METTL24: variants seen among roughly 807,000 people sequenced by gnomAD.
The protein encoded by METTL24 is probable methyltransferase-like protein 24.
In METTL24, 29 loss-of-function variants were observed where a neutral mutation model predicts 32.7. The ratio of observed to expected loss-of-function variants is 0.89; its 90% CI spans 0.66 to 1.21. The LOEUF (loss-of-function observed/expected upper bound fraction) is 1.21. Ranked by LOEUF, METTL24 falls within the 50% of genes most tolerant of loss-of-function variation. METTL24 has a pLI of 0.00. For missense variants in METTL24, 439 were observed against 468.1 expected, an observed-to-expected ratio of 0.94 and a Z score of 0.57; for synonymous variants, 163 against 179.5, an observed-to-expected ratio of 0.91 and a Z score of 0.73.
At chr6:110,336,563 A>AC (rs1471604861) in intron 1 of METTL24, among the ~76,000 whole-genome samples, 1 of 151,964 alleles carries the variant, frequency 6.6e-6, no homozygotes. Context: ...ACACGGTGAA[A>AC]CCCCGTCTCT....
At chr6:110,262,498 T>A (rs1271182706) in intron 4 of METTL24, among the ~76,000 whole-genome samples, 1 of 151,918 alleles carries the variant, frequency 6.6e-6, no homozygotes, top group Non-Finnish European at 1.5e-5. Flanking sequence ...CAAAAAAAAG[T>A]CCAGGACCAG....
Position 110,302,662 on chromosome 6 carries a change from T to C in METTL24, c.558-3512A>G, listed in dbSNP as rs897409195. ...ACACATATGTGTATATATATACACA[T>C]ATACACACACATACACGTGTGTATA... On this transcript the variant is annotated intron_variant, in intron 3 of 4. Transcript: ENST00000338882. 2.8e-5 allele frequency among the ~76,000 whole-genome samples: 4 copies of C among 143,786 alleles called. 1 individual carries two copies. Among genetic ancestry groups the C allele is most frequent in the African/African-American group, 1.1e-4 (4 of 35,616 alleles). The allele number at this position is 143,786 out of a possible 152,430, so 94.3% of individuals were successfully genotyped here.
chr6:110,324,525 C>G (rs1771985749), intron 1 of METTL24, among the ~76,000 whole-genome samples: 1 of 152,190 alleles, frequency 6.6e-6, no homozygotes, highest in Non-Finnish European at 1.5e-5. Context: ...GCAGGGCTAA[C>G]TCACAGGCAG....
At chr6:110,298,084 T>G (rs1771452898) in intron 4 of METTL24, among the ~76,000 whole-genome samples, 1 of 152,020 alleles carries the variant, frequency 6.6e-6, no homozygotes, top group Non-Finnish European at 1.5e-5. Flanking sequence ...CCAACTCAAG[T>G]TTAAAATTGA....
intron 1 of METTL24, among the ~76,000 whole-genome samples, chr6:110,350,454 C>T (rs1440526599): frequency 4.0e-5 from 6 of 151,604 alleles, no homozygotes; most frequent in Non-Finnish European, 5.9e-5. Flanking sequence ...TAGCCAGTTG[C>T]AAGGGGGGCT....
intron 1 of METTL24, among the ~76,000 whole-genome samples, chr6:110,335,908 T>C (rs959641383): frequency 2.0e-5 from 3 of 152,194 alleles, no homozygotes; most frequent in Admixed American, 2.0e-4. Context: ...CACTACCCCA[T>C]GCTGCCTCCA....
At position 110,326,357 on chromosome 6, in the gene METTL24, T is replaced by C. The variant is rs185112560; in HGVS notation, c.319-3485A>G. ...CATGGAACCTAAGCATTAAAATAGA[T>C]CATTTTCCCTGCATCTCTAGGTCTT... On this transcript the variant is annotated intron_variant, in intron 1 of 4. Coordinates refer to ENST00000338882, the MANE Select transcript of METTL24 (RefSeq NM_001123364.3). 2.6e-5 allele frequency among the ~76,000 whole-genome samples: 4 copies of C among 152,336 alleles called. No homozygotes were observed. The East Asian group carries it at 7.7e-4, about 29-fold the overall frequency.
intron 4 of METTL24, among the ~76,000 whole-genome samples, chr6:110,282,457 C>A (rs1040520696): frequency 2.3e-4 from 35 of 152,086 alleles, no homozygotes; most frequent in Non-Finnish European, 3.8e-4. Flanking sequence ...TTAATCCCCT[C>A]AACAGTCTTT....
chr6:110,349,610 T>C, intron 1 of METTL24, among the ~76,000 whole-genome samples: 1 of 152,222 alleles, frequency 6.6e-6, no homozygotes, highest in Non-Finnish European at 1.5e-5. Flanking sequence ...AGTAATAAGT[T>C]AGCAGATTGG....
intron 4 of METTL24, among the ~76,000 whole-genome samples, chr6:110,261,996 T>C (rs1770740595): frequency 6.6e-6 from 1 of 152,054 alleles, no homozygotes; most frequent in South Asian, 2.1e-4. Flanking sequence ...TAGCACTAAA[T>C]GCCCACAAGA....
chr6:110,325,157 C>T (rs938873037), intron 1 of METTL24, among the ~76,000 whole-genome samples: 1 of 152,140 alleles, frequency 6.6e-6, no homozygotes, highest in African/African-American at 2.4e-5. Context: ...TTAAAACCTC[C>T]CACTTCACTG....
At chr6:110,325,231 G>A (rs1771996964) in intron 1 of METTL24, among the ~76,000 whole-genome samples, 1 of 152,140 alleles carries the variant, frequency 6.6e-6, no homozygotes, top group Admixed American at 6.5e-5. Context: ...AAATGATGAA[G>A]TTCACATGTT....
intron 1 of METTL24, among the ~76,000 whole-genome samples, chr6:110,328,330 G>T (rs539158321): frequency 2.0e-5 from 3 of 152,332 alleles, no homozygotes; most frequent in Admixed American, 6.5e-5. Context: ...AAGTGAGCAG[G>T]CTTCTTCTAA....
At chr6:110,263,271 G>T (rs551850233) in intron 4 of METTL24, among the ~76,000 whole-genome samples, 4 of 152,262 alleles carry the variant, frequency 2.6e-5, no homozygotes, top group South Asian at 4.1e-4. Context: ...CTTCAGCAAA[G>T]TCTCAGGATA....
chr6:110,250,911 A>G (rs1365432057), intron 4 of METTL24, among the ~76,000 whole-genome samples: 2 of 152,212 alleles, frequency 1.3e-5, no homozygotes, highest in Non-Finnish European at 2.9e-5. Flanking sequence ...GAACTCATTC[A>G]GACTACTCAA....
intron 1 of METTL24, among the ~76,000 whole-genome samples, chr6:110,336,738 CA>C (rs57378153): frequency 0.084 from 10,967 of 130,312 alleles, 245 homozygotes; most frequent in African/African-American, 0.12. Flanking sequence ...GACTCCGCCT[CA>C]AAAAAAAAAA....
At chr6:110,284,071 G>T (rs1486582159) in intron 4 of METTL24, among the ~76,000 whole-genome samples, 1 of 152,168 alleles carries the variant, frequency 6.6e-6, no homozygotes, top group Non-Finnish European at 1.5e-5. Context: ...CAACCCCAAT[G>T]AACCTTGAAA....
chr6:110,348,105 G>A (rs566673477), intron 1 of METTL24, among the ~76,000 whole-genome samples: 1 of 152,342 alleles, frequency 6.6e-6, no homozygotes, highest in South Asian at 2.1e-4. Flanking sequence ...GAAACACAAG[G>A]CTGAACACAG....
intron 4 of METTL24, among the ~76,000 whole-genome samples, chr6:110,261,237 G>C (rs886511781): frequency 1.3e-5 from 2 of 152,140 alleles, no homozygotes; most frequent in Admixed American, 1.3e-4. Flanking sequence ...CTCGTGCAGA[G>C]ACACATATAG....
Sources: gnomAD v4.1 joint callset for allele counts (sites outside exome capture counted in the v4.1 genomes callset) on GRCh38, gnomAD v4.1.1 for gene constraint, MANE v1.5 for transcripts, NCBI Gene and HGNC (gene_info 2026-07-23, HGNC 2026-07-21) for gene names.